Variants in ACOT1 observed in about 807,000 individuals in gnomAD.
ACOT1 encodes the protein acyl-coenzyme A thioesterase 1.
Under a neutral mutation model 15.7 loss-of-function variants are expected in ACOT1, and 8 were observed. The ratio of observed to expected loss-of-function variants is 0.51; its 90% CI spans 0.30 to 0.92. The LOEUF is 0.92. Ranked by LOEUF, ACOT1 falls within the 40% of genes least tolerant of loss-of-function variation. ACOT1 has a pLI of 0.06. For missense variants in ACOT1, 151 were observed against 539.4 expected (o/e 0.28, Z 7.13); for synonymous variants, 67 against 241.2 (o/e 0.28, Z 6.69).
chr14:73,524,265 C>T, the ACOT1 span, among the ~76,000 whole-genome samples: 1 of 127,606 alleles, frequency 7.8e-6, no homozygotes, highest in East Asian at 2.2e-4. Flanking sequence ...TGCACACCAG[C>T]CTGGGCAACA....
chr14:73,524,153 G>A, the ACOT1 span, among the ~76,000 whole-genome samples: 16 of 151,292 alleles, frequency 1.1e-4, no homozygotes, highest in East Asian at 3.9e-4. Flanking sequence ...TTAGCCAGGC[G>A]CGGTGGCATG....
chr14:73,520,578 A>C, the ACOT1 span: 2 of 337,054 alleles, frequency 5.9e-6, no homozygotes, highest in South Asian at 9.5e-5. Context: ...GATTGTTCCC[A>C]AAGTCTTGCC....
chr14:73,504,444 G>A, the ACOT1 span, among the ~76,000 whole-genome samples: 8 of 152,034 alleles, frequency 5.3e-5, no homozygotes, highest in South Asian at 6.2e-4. Context: ...GGGTTTCACC[G>A]TGTTAGCCAG....
chr14:73,530,257 C>T, the ACOT1 span: 1,447 of 141,092 alleles, frequency 0.01, 81 homozygotes, highest in South Asian at 0.029. Context: ...GGAATAGATA[C>T]GGGTAAAGAA....
chr14:73,526,416 G>T, the ACOT1 span, among the ~76,000 whole-genome samples: 10 of 152,314 alleles, frequency 6.6e-5, no homozygotes, highest in East Asian at 9.6e-4. Flanking sequence ...GGTCATGGAG[G>T]CAGTGGACTT....
At chr14:73,536,217 G>A (rs1460373598), upstream of ACOT1, among the ~76,000 whole-genome samples, 7 of 113,078 alleles carry the variant, frequency 6.2e-5, 2 homozygotes, top group Admixed American at 5.0e-4. Context: ...TGAAGCTTAC[G>A]CATTTATAGG....
the ACOT1 span, among the ~76,000 whole-genome samples, chr14:73,497,297 C>T: frequency 1.3e-5 from 2 of 152,226 alleles, no homozygotes; most frequent in Non-Finnish European, 2.9e-5. Flanking sequence ...GCCTCAGCCT[C>T]CCAAAGTGTT....
At chr14:73,491,318 G>C in the ACOT1 span, 4 of 1,511,082 alleles carry the variant, frequency 2.6e-6, no homozygotes, top group Non-Finnish European at 3.5e-6. Context: ...CGGCCACCTG[G>C]GGCCCGCAGA....
chr14:73,511,980 T>C, the ACOT1 span: 1 of 1,613,546 alleles, frequency 6.2e-7, no homozygotes, highest in South Asian at 1.1e-5. Flanking sequence ...GCTTATGTTC[T>C]CAAGCAGTTC....
Position 73,537,824 on chromosome 14 carries a change from C to A in ACOT1, c.403C>A (p.Arg135=). 8.3e-7 allele frequency: 1 copy of A among 1,204,688 alleles called. No homozygotes were observed. The highest frequency in any genetic ancestry group is 1.1e-6 in the Non-Finnish European group (1 of 921,368). 74.6% of individuals were successfully genotyped at this position (1,204,688 alleles called of 1,614,324 possible). ...GCGCTACTTCCTCCCGCCCGGGGTG[C>A]GGCGCGAGCCGGTGCGCGCGGGCCG... is the stretch of plus-strand genomic sequence containing the variant. ...HERYFLPPGV[R]REPVRAGRVR... The change falls in exon 1 of 3, where the codon CGG becomes AGG. Residue 135 remains arginine, a synonymous_variant. Coordinates refer to ENST00000311148, the MANE Select transcript of ACOT1 (RefSeq NM_001037161.2).
the ACOT1 span, chr14:73,518,952 A>C: frequency 2.7e-6 from 4 of 1,477,122 alleles, no homozygotes; most frequent in East Asian, 9.2e-5. Context: ...GCACATGAAT[A>C]GTGGGTAATG....
chr14:73,495,277 TC>T, the ACOT1 span: 1 of 1,614,078 alleles, frequency 6.2e-7, no homozygotes, highest in South Asian at 1.1e-5. Context: ...GTCCTTGTTC[TC>T]CTTTGGGTTT....
At chr14:73,515,646 T>C in the ACOT1 span, among the ~76,000 whole-genome samples, 1 of 117,608 alleles carries the variant, frequency 8.5e-6, no homozygotes, top group Non-Finnish European at 1.6e-5. Flanking sequence ...CGCTCCAACC[T>C]GGGTGACAAA....
At chr14:73,525,061 C>A in the ACOT1 span, among the ~76,000 whole-genome samples, 1 of 151,926 alleles carries the variant, frequency 6.6e-6, no homozygotes, top group Non-Finnish European at 1.5e-5. Context: ...GGGTCTTGTT[C>A]TGTCGCCCAG....
At chr14:73,501,420 C>T in the ACOT1 span, among the ~76,000 whole-genome samples, 4 of 151,284 alleles carry the variant, frequency 2.6e-5, no homozygotes, top group Admixed American at 1.3e-4. Context: ...CCACCGCGCC[C>T]GGCCTTAAAT....
At chr14:73,538,470 G>A (rs1160594266) in intron 1 of ACOT1, among the ~76,000 whole-genome samples, 1 of 112,364 alleles carries the variant, frequency 8.9e-6, no homozygotes, top group Non-Finnish European at 1.9e-5. Context: ...AAAATTAGCC[G>A]GGCGTGGTAG....
upstream of ACOT1, among the ~76,000 whole-genome samples, chr14:73,534,839 G>A (rs1888812665): frequency 2.1e-5 from 2 of 95,938 alleles, 1 homozygote; most frequent in African/African-American, 6.9e-5. Context: ...ATGAGGTCTT[G>A]CTCTGTTGCC....
the ACOT1 span, chr14:73,514,000 G>C: frequency 6.2e-7 from 1 of 1,601,978 alleles, no homozygotes; most frequent in Admixed American, 1.7e-5. Context: ...TCTCACAAAC[G>C]TACAGTATCA....
chr14:73,511,854 G>T, the ACOT1 span: 2 of 772,658 alleles, frequency 2.6e-6, no homozygotes, highest in Non-Finnish European at 4.1e-6. Flanking sequence ...CGTCTCTATT[G>T]CTGATAAGCA....
Sources: allele counts gnomAD v4.1 joint callset (sites outside exome capture counted in the v4.1 genomes callset), GRCh38; gene constraint gnomAD v4.1.1; transcripts MANE v1.5; gene names NCBI Gene and HGNC (gene_info 2026-07-23, HGNC 2026-07-21).